ARL15: variants seen among roughly 807,000 people sequenced by gnomAD.
ARL15 encodes the protein ADP-ribosylation factor-like protein 15.
A neutral mutation model predicts 25.2 loss-of-function variants in ARL15; 19 were observed. That is an observed-to-expected ratio of 0.75 (90% CI 0.53 to 1.10). The LOEUF is 1.10. ARL15 is among the 50% of genes least tolerant of loss of function. The pLI is 0.00. For synonymous variants in ARL15, 94 were observed against 86.8 expected (o/e 1.08, Z -0.46); for missense variants, 220 against 246.0 (o/e 0.89, Z 0.71).
At chr5:53,971,538 C>T (rs1747748571) in intron 4 of ARL15, among the ~76,000 whole-genome samples, 1 of 152,038 alleles carries the variant, frequency 6.6e-6, no homozygotes, top group South Asian at 2.1e-4. Flanking sequence ...TTATTGAGTA[C>T]ATTATCCTCA....
chr5:54,243,478 C>T (rs896609530), intron 1 of ARL15, among the ~76,000 whole-genome samples: 1 of 152,168 alleles, frequency 6.6e-6, no homozygotes, highest in Non-Finnish European at 1.5e-5. Context: ...AAAATGGAGG[C>T]TATTGATAAA....
At chr5:54,131,414 T>C (rs1339062268) in intron 3 of ARL15, among the ~76,000 whole-genome samples, 1 of 152,148 alleles carries the variant, frequency 6.6e-6, no homozygotes, top group Non-Finnish European at 1.5e-5. Context: ...ATCTACTTTT[T>C]CCCTATCTTT....
At chr5:54,167,294 T>C (rs1754602173) in intron 2 of ARL15, among the ~76,000 whole-genome samples, 2 of 152,154 alleles carry the variant, frequency 1.3e-5, no homozygotes, top group Admixed American at 6.6e-5. Flanking sequence ...TGGTATTCTA[T>C]TCTATGAACA....
chr5:54,196,016 A>G (rs894582393), intron 1 of ARL15, among the ~76,000 whole-genome samples: 5 of 152,116 alleles, frequency 3.3e-5, no homozygotes, highest in African/African-American at 1.2e-4. Flanking sequence ...GCTAGGACAT[A>G]TTCATCAAAG....
chr5:54,100,638 A>G (rs1488173102), intron 4 of ARL15, among the ~76,000 whole-genome samples: 1 of 152,114 alleles, frequency 6.6e-6, no homozygotes, highest in Non-Finnish European at 1.5e-5. Context: ...AGATTAAACT[A>G]TTAAAATTAA....
intron 4 of ARL15, among the ~76,000 whole-genome samples, chr5:54,034,451 A>T (rs891926543): frequency 2.0e-5 from 3 of 152,224 alleles, no homozygotes; most frequent in African/African-American, 7.2e-5. Flanking sequence ...AACTATTTAC[A>T]GTCACTCCCT....
chr5:54,079,151 A>G (rs1043504952), intron 4 of ARL15, among the ~76,000 whole-genome samples: 1 of 152,204 alleles, frequency 6.6e-6, no homozygotes, highest in African/African-American at 2.4e-5. Context: ...GAATAGTCAT[A>G]CATGTATTAA....
chr5:54,158,152 T>C (rs1020414393), intron 2 of ARL15, among the ~76,000 whole-genome samples: 4 of 152,062 alleles, frequency 2.6e-5, no homozygotes, highest in African/African-American at 9.7e-5. Context: ...ACCATCAAAA[T>C]ACCTTTCTCA....
At chr5:54,245,536 T>C (rs1409862187) in intron 1 of ARL15, among the ~76,000 whole-genome samples, 1 of 152,090 alleles carries the variant, frequency 6.6e-6, no homozygotes, top group African/African-American at 2.4e-5. Context: ...TTCAGGCAAG[T>C]TCAAAAATGC....
rs539459141 is a variant in ARL15 at position 54,226,011 on chromosome 5, C to T, written c.49-54083G>A. ...CAGAGGGAGGTGGCACACATCAATA[C>T]TAAGCATTTAGCCCAATGTGATTGG... On this transcript the variant is annotated intron_variant, in intron 1 of 4. Coordinates refer to ENST00000504924, the MANE Select transcript of ARL15 (RefSeq NM_019087.3). Among the ~76,000 whole-genome samples the T allele has an allele frequency of 5.3e-5, 8 of 152,310 alleles. No individual in the cohort carries two copies. In the East Asian group the frequency reaches 9.7e-4, roughly 18 times the overall value.
At chr5:54,110,945 A>C (rs1752722115) in intron 4 of ARL15, among the ~76,000 whole-genome samples, 1 of 152,018 alleles carries the variant, frequency 6.6e-6, no homozygotes, top group African/African-American at 2.4e-5. Context: ...TACACAGAGA[A>C]ACTTCTCTGT....
At chr5:53,965,261 G>A (rs1747512693) in intron 4 of ARL15, among the ~76,000 whole-genome samples, 2 of 152,174 alleles carry the variant, frequency 1.3e-5, no homozygotes, top group South Asian at 4.1e-4. Context: ...TTAATCAAAT[G>A]ATATAGTGGT....
intron 4 of ARL15, among the ~76,000 whole-genome samples, chr5:53,980,612 C>G (rs980760849): frequency 5.3e-5 from 8 of 152,220 alleles, no homozygotes; most frequent in Admixed American, 2.6e-4. Flanking sequence ...CATTTGTTCA[C>G]TTTAATTTAC....
intron 1 of ARL15, among the ~76,000 whole-genome samples, chr5:54,196,057 T>C (rs1305906114): frequency 6.6e-6 from 1 of 152,168 alleles, no homozygotes; most frequent in Non-Finnish European, 1.5e-5. Flanking sequence ...CTCTTTTTAA[T>C]GTCAGCATAG....
At chr5:53,933,642 C>CAAAA (rs34912827) in intron 4 of ARL15, among the ~76,000 whole-genome samples, 124 of 75,498 alleles carry the variant, frequency 1.6e-3, no homozygotes, top group Middle Eastern at 0.01. Context: ...GAGACTGTCT[C>CAAAA]AAAAAAAAAA....
intron 3 of ARL15, among the ~76,000 whole-genome samples, chr5:54,151,435 C>A (rs1416175071): frequency 1.3e-5 from 2 of 152,000 alleles, no homozygotes; most frequent in Non-Finnish European, 2.9e-5. Flanking sequence ...ATGAGGAGTT[C>A]CCTGAAGATG....
intron 4 of ARL15, among the ~76,000 whole-genome samples, chr5:54,092,977 G>T (rs1752175450): frequency 6.6e-6 from 1 of 152,126 alleles, no homozygotes; most frequent in Non-Finnish European, 1.5e-5. Flanking sequence ...CATTTCTGGG[G>T]TGTCTTTTAA....
rs183424204 is a variant in ARL15 at position 53,938,408 on chromosome 5, G to T, written c.463-51695C>A. The stretch of plus-strand genomic sequence containing the variant: ...TTACTTTCTTGTACAAGGAATTAAC[G>T]AATCAAATCACATTTCTAAAATAGT... On this transcript the variant is annotated intron_variant, in intron 4 of 4. Coordinates refer to ENST00000504924, the MANE Select transcript of ARL15 (RefSeq NM_019087.3). Among the ~76,000 whole-genome samples, 302 of 152,244 alleles carry T rather than the reference G, an allele frequency of 2.0e-3. 2 individuals are homozygous for T. The highest frequency in any genetic ancestry group is 6.7e-3 in the African/African-American group (277 of 41,552).
chr5:54,091,324 T>C (rs1390921177), intron 4 of ARL15, among the ~76,000 whole-genome samples: 1 of 152,218 alleles, frequency 6.6e-6, no homozygotes, highest in Non-Finnish European at 1.5e-5. Flanking sequence ...AAGGTCACTA[T>C]TCAAATTCCA....
Sources: allele counts gnomAD v4.1 joint callset (sites outside exome capture counted in the v4.1 genomes callset), GRCh38; gene constraint gnomAD v4.1.1; transcripts MANE v1.5; gene names NCBI Gene and HGNC (gene_info 2026-07-23, HGNC 2026-07-21).